Variants in STOX2 observed in about 807,000 individuals in gnomAD.
The protein encoded by STOX2 is storkhead box 2.
Under a neutral mutation model 60.9 loss-of-function variants are expected in STOX2, and 28 were observed. The ratio of observed to expected loss-of-function variants is 0.46; its 90% confidence interval spans 0.34 to 0.63. STOX2 has a LOEUF of 0.63. STOX2 is among the 30% of genes least tolerant of loss of function. The pLI is 0.01. For missense variants in STOX2, 1,024 were observed against 1,187.7 expected, an observed-to-expected ratio of 0.86 and a Z score of 2.03; for synonymous variants, 472 against 463.9, an observed-to-expected ratio of 1.02 and a Z score of -0.22.
chr4:183,906,131 C>G lies in STOX2; in HGVS notation c.-660C>G, dbSNP rs1741589778. ...GCACACGCGCCCCCCGCTCGAGCCT[C>G]TGTGATGAAGACTGTCTCCCGGGGA... On this transcript the variant is annotated 5_prime_UTR_variant, in exon 1 of 4. Transcript: ENST00000308497. 6.6e-6 allele frequency: 1 copy of G among 152,278 alleles called. No homozygotes were observed. The allele number at this position is 152,278 out of a possible 1,614,324, so 9.4% of individuals were successfully genotyped here.
intron 1 of STOX2, among the ~76,000 whole-genome samples, chr4:183,939,782 G>A (rs536845499): frequency 7.9e-5 from 12 of 152,144 alleles, no homozygotes; most frequent in South Asian, 2.1e-4. Flanking sequence ...TAACTTCTCC[G>A]CGTCCCAGTT....
chr4:183,870,583 C>T (rs1046402022), intron 1 of STOX2, among the ~76,000 whole-genome samples: 27 of 152,124 alleles, frequency 1.8e-4, no homozygotes, highest in African/African-American at 6.5e-4. Flanking sequence ...TCTAGGGCAC[C>T]TGTGTGCTCT....
At chr4:183,926,152 CAG>C (rs571076409) in intron 1 of STOX2, among the ~76,000 whole-genome samples, 2 of 151,328 alleles carry the variant, frequency 1.3e-5, no homozygotes, top group African/African-American at 4.9e-5. Flanking sequence ...TTTTAAAATT[CAG>C]AGGAAAAATA....
rs62652534 is a variant in STOX2, at chr4:183,851,357, G to C, written c.364+53302G>C. 7.5e-3 allele frequency among the ~76,000 whole-genome samples: 259 copies of C among 34,624 alleles called. 7 individuals carry two copies. Among genetic ancestry groups the C allele is most frequent in the Non-Finnish European group, 8.8e-3 (117 of 13,232 alleles). The allele number at this position is 34,624 out of a possible 152,430, so 22.7% of individuals were successfully genotyped here. On this transcript the variant is annotated intron_variant, in intron 1 of 2. Transcript: ENST00000513034. ...AGGATGAGGGAAAGGATGAGAGAAAGGATGAGGGAAAGGATGAGAGAAACG... is the reference window on the plus strand; with the variant it reads ...AGGATGAGGGAAAGGATGAGAGAAACGATGAGGGAAAGGATGAGAGAAACG...
intron 1 of STOX2, among the ~76,000 whole-genome samples, chr4:183,993,511 G>A (rs764125041): frequency 2.4e-4 from 36 of 152,162 alleles, no homozygotes; most frequent in Non-Finnish European, 4.7e-4. Context: ...TTCTGTTTAC[G>A]CTCTCTTGAT....
chr4:183,998,427 C>T (rs1159082130), intron 1 of STOX2, among the ~76,000 whole-genome samples: 2 of 152,220 alleles, frequency 1.3e-5, no homozygotes, highest in African/African-American at 4.8e-5. Flanking sequence ...CTCAGACTGT[C>T]TGTGCCTGAG....
At chr4:183,937,531 C>G (rs1742621403) in intron 1 of STOX2, among the ~76,000 whole-genome samples, 1 of 152,144 alleles carries the variant, frequency 6.6e-6, no homozygotes. Flanking sequence ...GACAGGTCCA[C>G]AAGGACATAT....
At chr4:183,951,445 T>TCTC (rs1491237332) in intron 1 of STOX2, among the ~76,000 whole-genome samples, 21 of 16,666 alleles carry the variant, frequency 1.3e-3, no homozygotes, top group Admixed American at 3.5e-3. Flanking sequence ...TCTCTCTCTC[T>TCTC]TTTTTTTTTT....
chr4:183,928,419 G>A (rs571523558), intron 1 of STOX2, among the ~76,000 whole-genome samples: 23 of 152,292 alleles, frequency 1.5e-4, no homozygotes, highest in Admixed American at 5.2e-4. Flanking sequence ...CTTGGATTTT[G>A]CCCCCTTCAA....
At chr4:183,823,479 T>C (rs1739351490) in intron 1 of STOX2, among the ~76,000 whole-genome samples, 1 of 152,234 alleles carries the variant, frequency 6.6e-6, no homozygotes, top group Non-Finnish European at 1.5e-5. Flanking sequence ...AGTAGACTGT[T>C]GAAAGGCAAA....
intron 1 of STOX2, among the ~76,000 whole-genome samples, chr4:183,953,311 G>A (rs1263475859): frequency 6.6e-6 from 1 of 152,056 alleles, no homozygotes; most frequent in Non-Finnish European, 1.5e-5. Flanking sequence ...TTTCACACAG[G>A]GGTGGTATAT....
rs1560873686 is a variant in STOX2 at position 183,905,311 on chromosome 4, A to G, written c.-1480A>G. 6.6e-6 allele frequency: 1 copy of G among 152,206 alleles called. No individual in the cohort carries two copies. Among genetic ancestry groups the G allele is most frequent in the Non-Finnish European group, 1.5e-5 (1 of 68,060 alleles). 9.4% of individuals were successfully genotyped at this position (152,206 alleles called of 1,614,324 possible). On this transcript the variant is annotated 5_prime_UTR_variant, in exon 1 of 4. Coordinates refer to ENST00000308497, the MANE Select transcript of STOX2 (RefSeq NM_020225.3). ...TTAGCGATTGGTTGTTGGACCAGAA[A>G]CAGCTGTGCAGAGCCGTGCCATCTA...
intron 1 of STOX2, among the ~76,000 whole-genome samples, chr4:183,844,464 G>C (rs866598031): frequency 6.6e-6 from 1 of 152,066 alleles, no homozygotes; most frequent in Non-Finnish European, 1.5e-5. Context: ...GTATTGTTTT[G>C]CTTTACTAAA....
rs186569896 is a variant in STOX2 at position 183,965,601 on chromosome 4, A to C, written c.167-35724A>C. Among the ~76,000 whole-genome samples the C allele has an allele frequency of 9.2e-5, 14 of 152,314 alleles. No homozygotes were observed. In the East Asian group the frequency reaches 2.7e-3, roughly 29 times the overall value. On this transcript the variant is annotated intron_variant, in intron 1 of 3. Transcript: ENST00000308497. ...TCCTTAGTTTTATCAGCTCAAAAAT[A>C]GGGATGCAATTGATATCAACATATT...
chr4:183,868,167 G>T (rs1740614482), intron 1 of STOX2, among the ~76,000 whole-genome samples: 6 of 152,020 alleles, frequency 3.9e-5, no homozygotes, highest in Admixed American at 3.9e-4. Context: ...CATTTAGATG[G>T]CAGTTCAGTG....
intron 1 of STOX2, among the ~76,000 whole-genome samples, chr4:183,878,474 G>A (rs772557194): frequency 3.3e-5 from 5 of 152,126 alleles, no homozygotes; most frequent in Non-Finnish European, 5.9e-5. Context: ...TTTAACAGTC[G>A]TTTTCTGGGT....
rs1413518430 is a variant in STOX2 at position 183,825,420 on chromosome 4, C to T, written c.364+27365C>T. Among the ~76,000 whole-genome samples the T allele has an allele frequency of 6.6e-6, 1 of 152,170 alleles. No individual in the cohort carries two copies. Among genetic ancestry groups the T allele is most frequent in the Non-Finnish European group, 1.5e-5 (1 of 68,032 alleles). Reference sequence around the variant, plus strand: ...CTCGTGTGGCGCGTGCTGCAGATGGCAGCGGTCAGCTCGTGTCATCTCCTA... The same window carrying T: ...CTCGTGTGGCGCGTGCTGCAGATGGTAGCGGTCAGCTCGTGTCATCTCCTA... On this transcript the variant is annotated intron_variant, in intron 1 of 2. Coordinates refer to the STOX2 transcript ENST00000513034. The surrounding 1 kb of genome is among the most constrained non-coding windows in gnomAD (Gnocchi z 4.1).
In STOX2 at chr4:183,924,200, G is replaced by A. The variant is rs542194839; in HGVS notation, c.166+17244G>A. ...TTCAGCAAACCAGCGTTGCCTGTTC[G>A]TGTCAGGGCCTTGACACGTATGCTT... On this transcript the variant is annotated intron_variant, in intron 1 of 3. Coordinates refer to ENST00000308497, the MANE Select transcript of STOX2 (RefSeq NM_020225.3). Among the ~76,000 whole-genome samples, 22 of 152,246 alleles carry A rather than the reference G, an allele frequency of 1.4e-4. No individual in the cohort carries two copies. The South Asian group carries it at 2.3e-3, about 16-fold the overall frequency.
chr4:183,890,123 A>G (rs1376718836), intron 1 of STOX2, among the ~76,000 whole-genome samples: 2 of 152,204 alleles, frequency 1.3e-5, no homozygotes, highest in African/African-American at 4.8e-5. Flanking sequence ...CTAGCAACTC[A>G]GACCCGAGGG....
Sources: allele counts gnomAD v4.1 joint callset (sites outside exome capture counted in the v4.1 genomes callset), GRCh38; gene constraint gnomAD v4.1.1; non-coding constraint Gnocchi (gnomAD v3.1); transcripts MANE v1.5; gene names NCBI Gene and HGNC (gene_info 2026-07-23, HGNC 2026-07-21).